MGAT4C: variants seen among roughly 807,000 people sequenced by gnomAD.
MGAT4C encodes the protein MGAT4 family member C, also known as alpha-1,3-mannosyl-glycoprotein 4-beta-N-acetylglucosaminyltransferase C.
In MGAT4C, 19 loss-of-function variants were observed where a neutral mutation model predicts 40.1. The observed-to-expected ratio is 0.47, with a 90% CI of 0.33 to 0.70. The LOEUF is 0.70. Ranked by LOEUF, MGAT4C falls within the 30% of genes least tolerant of loss-of-function variation. The probability of loss-of-function intolerance (pLI) is 0.02; values close to 1 mark genes in which losing one functional copy is unlikely to be tolerated. For missense variants in MGAT4C, 491 were observed against 563.2 expected (o/e 0.87, Z 1.30); for synonymous variants, 181 against 187.1 (o/e 0.97, Z 0.27).
chr12:86,739,035 G>A (rs1210870765), intron 1 of MGAT4C, among the ~76,000 whole-genome samples: 1 of 144,528 alleles, frequency 6.9e-6, no homozygotes, highest in South Asian at 2.2e-4. Context: ...TGTCGTTAGG[G>A]TATCCACTTT....
intron 1 of MGAT4C, among the ~76,000 whole-genome samples, chr12:86,797,362 T>TC (rs1342145287): frequency 6.6e-5 from 10 of 151,920 alleles, no homozygotes; most frequent in Non-Finnish European, 1.5e-4. Context: ...TTTTTTTACT[T>TC]TTTATTGCTA....
At chr12:86,289,029 GT>G (rs887531661) in intron 4 of MGAT4C, among the ~76,000 whole-genome samples, 1 of 152,038 alleles carries the variant, frequency 6.6e-6, no homozygotes, top group African/African-American at 2.4e-5. Context: ...GTCTCCCAGG[GT>G]TTTTATAGTT....
intron 2 of MGAT4C, among the ~76,000 whole-genome samples, chr12:86,532,543 CA>C (rs965606211): frequency 1.3e-5 from 2 of 150,802 alleles, no homozygotes; most frequent in African/African-American, 4.9e-5. Flanking sequence ...AGTTAAAAGG[CA>C]AAAAGGCATT....
chr12:86,814,057 C>T (rs1208943962), intron 1 of MGAT4C, among the ~76,000 whole-genome samples: 1 of 151,756 alleles, frequency 6.6e-6, no homozygotes, highest in Non-Finnish European at 1.5e-5. Context: ...ACTACAGGTG[C>T]ACACTGCCAC....
chr12:86,386,260 T>C (rs1030843499), intron 3 of MGAT4C, among the ~76,000 whole-genome samples: 1 of 152,190 alleles, frequency 6.6e-6, no homozygotes, highest in African/African-American at 2.4e-5. Context: ...GGCACTGTGA[T>C]AGTTCCAGGG....
At chr12:86,344,837 C>T (rs10506934) in intron 3 of MGAT4C, among the ~76,000 whole-genome samples, 14,360 of 150,994 alleles carry the variant, frequency 0.095, 823 homozygotes, top group Middle Eastern at 0.22. Context: ...CTGTTGCCCA[C>T]TGCATTAATA....
At chr12:86,408,479 C>CTCTCTCTCTCTATATATATATA (rs1267344319) in intron 3 of MGAT4C, among the ~76,000 whole-genome samples, 1 of 63,344 alleles carries the variant, frequency 1.6e-5, no homozygotes, top group African/African-American at 7.8e-5. Context: ...CTCTCTCTCT[C>CTCTCTCTCTCTATATATATATA]TATATATATA....
At chr12:86,701,224 G>T (rs979473862) in intron 2 of MGAT4C, among the ~76,000 whole-genome samples, 1 of 151,886 alleles carries the variant, frequency 6.6e-6, no homozygotes, top group Non-Finnish European at 1.5e-5. Flanking sequence ...CACTTCACTT[G>T]TAGATGTTAC....
chr12:86,359,366 G>C (rs1955399637), intron 3 of MGAT4C, among the ~76,000 whole-genome samples: 1 of 152,210 alleles, frequency 6.6e-6, no homozygotes, highest in Admixed American at 6.5e-5. Flanking sequence ...ATGCCCACAA[G>C]AGAAAGAGGA....
intron 1 of MGAT4C, among the ~76,000 whole-genome samples, chr12:86,085,836 T>G (rs936269352): frequency 6.6e-5 from 10 of 151,578 alleles, no homozygotes; most frequent in African/African-American, 2.4e-4. Context: ...AAAACCACAA[T>G]GAGATACCAT....
chr12:86,694,569 T>C (rs1394911253), intron 2 of MGAT4C, among the ~76,000 whole-genome samples: 1 of 152,196 alleles, frequency 6.6e-6, no homozygotes, highest in African/African-American at 2.4e-5. Flanking sequence ...TCAAATGAGA[T>C]ATATCTTTCA....
At chr12:86,788,409 G>A (rs1337224398) in intron 1 of MGAT4C, among the ~76,000 whole-genome samples, 1 of 150,732 alleles carries the variant, frequency 6.6e-6, no homozygotes, top group African/African-American at 2.4e-5. Context: ...ATTGACCCAA[G>A]GAGAAAAAAA....
At chr12:86,723,755 T>C (rs1201070856) in intron 2 of MGAT4C, among the ~76,000 whole-genome samples, 1 of 152,192 alleles carries the variant, frequency 6.6e-6, no homozygotes, top group Non-Finnish European at 1.5e-5. Flanking sequence ...TCCTTATCAT[T>C]TTTTCTAACA....
intron 1 of MGAT4C, among the ~76,000 whole-genome samples, chr12:86,788,045 T>C (rs1951962180): frequency 6.6e-6 from 1 of 152,000 alleles, no homozygotes; most frequent in African/African-American, 2.4e-5. Flanking sequence ...ATTCATGAGG[T>C]AGGGAGATTT....
intron 3 of MGAT4C, among the ~76,000 whole-genome samples, chr12:86,335,645 CTT>C (rs1954769014): frequency 1.3e-5 from 2 of 152,090 alleles, no homozygotes; most frequent in South Asian, 4.1e-4. Context: ...AGGCAAAACT[CTT>C]TATCTGTGGA....
At chr12:86,495,472 G>C (rs1421047278) in intron 2 of MGAT4C, among the ~76,000 whole-genome samples, 1 of 152,044 alleles carries the variant, frequency 6.6e-6, no homozygotes, top group Non-Finnish European at 1.5e-5. Context: ...ATAGTGCATA[G>C]GATGGCCCTG....
chr12:86,127,368 G>A (rs1040048007), intron 1 of MGAT4C, among the ~76,000 whole-genome samples: 3 of 152,118 alleles, frequency 2.0e-5, no homozygotes, highest in African/African-American at 7.2e-5. Flanking sequence ...CAGCTGTTTG[G>A]GCACTTATCA....
intron 2 of MGAT4C, among the ~76,000 whole-genome samples, chr12:86,482,074 A>ACACG (rs2136314118): frequency 6.6e-6 from 1 of 150,830 alleles, no homozygotes; most frequent in South Asian, 2.1e-4. Flanking sequence ...CACTACACAC[A>ACACG]CACACACACA....
chr12:86,453,053 A>G (rs2136288792), intron 2 of MGAT4C, among the ~76,000 whole-genome samples: 1 of 152,242 alleles, frequency 6.6e-6, no homozygotes, highest in Non-Finnish European at 1.5e-5. Context: ...ATCTGTTACT[A>G]TATTATAGAC....
Sources: gnomAD v4.1 joint callset for allele counts (sites outside exome capture counted in the v4.1 genomes callset) on GRCh38, gnomAD v4.1.1 for gene constraint, MANE v1.5 for transcripts, NCBI Gene and HGNC (gene_info 2026-07-23, HGNC 2026-07-21) for gene names.